TRDN: variants seen among roughly 807,000 people sequenced by gnomAD.
TRDN encodes triadin, also known as triadin in skeletal muscle.
TRDN carries 161 observed loss-of-function variants against 149.7 expected under a neutral mutation model. The observed-to-expected ratio is 1.08, with a 90% CI of 0.95 to 1.23. The LOEUF is 1.23. TRDN is among the 50% of genes most tolerant of loss of function. TRDN has a pLI of 0.00. For synonymous variants in TRDN, 294 were observed against 250.5 expected, an observed-to-expected ratio of 1.17 and a Z score of -1.64; for missense variants, 896 against 823.5, an observed-to-expected ratio of 1.09 and a Z score of -1.08.
chr6:123,595,739 T>C (rs1233555892), intron 1 of TRDN, among the ~76,000 whole-genome samples: 2 of 152,126 alleles, frequency 1.3e-5, no homozygotes, highest in Non-Finnish European at 2.9e-5. Flanking sequence ...CTGACGTTAC[T>C]GTTGTATTTG....
At chr6:123,576,792 G>C (rs1562400553) in intron 1 of TRDN, among the ~76,000 whole-genome samples, 2 of 152,010 alleles carry the variant, frequency 1.3e-5, no homozygotes, top group Admixed American at 6.6e-5. Flanking sequence ...TCCATTTCTA[G>C]TCCCACCACT....
chr6:123,496,393 T>C (rs1778448745), intron 9 of TRDN, among the ~76,000 whole-genome samples: 1 of 151,860 alleles, frequency 6.6e-6, no homozygotes, highest in South Asian at 2.1e-4. Flanking sequence ...TTCACAAAAA[T>C]AGTTAAGAAA....
chr6:123,627,677 A>T (rs1785750342), intron 1 of TRDN, among the ~76,000 whole-genome samples: 1 of 152,186 alleles, frequency 6.6e-6, no homozygotes, highest in African/African-American at 2.4e-5. Flanking sequence ...TAGCTCTGAA[A>T]GTCCTGGATG....
chr6:123,317,398 T>C (rs989403719), intron 23 of TRDN, among the ~76,000 whole-genome samples: 1 of 151,940 alleles, frequency 6.6e-6, no homozygotes, highest in Non-Finnish European at 1.5e-5. Flanking sequence ...CCAGCTTTAT[T>C]TGGGTTTTAG....
At chr6:123,272,840 G>A (rs965286209) in intron 29 of TRDN, 124 bp downstream of exon 29, 2 of 743,368 alleles carry the variant, frequency 2.7e-6, no homozygotes, top group Non-Finnish European at 2.1e-6. Flanking sequence ...AGATGGTCTA[G>A]AAGCTTATGA....
intron 1 of TRDN, among the ~76,000 whole-genome samples, chr6:123,630,626 A>G (rs1457422649): frequency 1.3e-5 from 2 of 152,130 alleles, no homozygotes; most frequent in East Asian, 3.9e-4. Context: ...ATTTAAGCTC[A>G]TAAACGGAAC....
At position 123,402,600 on chromosome 6, in the gene TRDN, T is replaced by C. The variant is rs980762052; in HGVS notation, c.1052-8923A>G. 1.8e-4 allele frequency among the ~76,000 whole-genome samples: 28 copies of C among 152,198 alleles called. 1 individual carries two copies. Among genetic ancestry groups the C allele is most frequent in the African/African-American group, 6.5e-4 (27 of 41,464 alleles). On this transcript the variant is annotated intron_variant, in intron 12 of 40. Coordinates refer to ENST00000334268, the MANE Select transcript of TRDN (RefSeq NM_006073.4). ...TAAGATAGACTTTTGTCTTAGTACA[T>C]TGAGCGCTACTGCATTTTTGGGCAG...
intron 7 of TRDN, among the ~76,000 whole-genome samples, chr6:123,508,729 G>A (rs1162562888): frequency 6.6e-6 from 1 of 152,112 alleles, no homozygotes; most frequent in Non-Finnish European, 1.5e-5. Context: ...TCTAACCAAT[G>A]GCTGCCTTTC....
intron 9 of TRDN, among the ~76,000 whole-genome samples, chr6:123,489,314 T>G (rs1562342578): frequency 6.6e-6 from 1 of 152,074 alleles, no homozygotes; most frequent in Admixed American, 6.5e-5. Context: ...AAACTGAGAT[T>G]CAAAAAAACA....
intron 23 of TRDN, among the ~76,000 whole-genome samples, chr6:123,330,854 G>A (rs968087592): frequency 3.3e-5 from 5 of 151,782 alleles, no homozygotes; most frequent in Non-Finnish European, 5.9e-5. Flanking sequence ...TTCCTCTCCC[G>A]CTGATCTCCA....
chr6:123,392,028 G>A (rs533902251), intron 13 of TRDN, among the ~76,000 whole-genome samples: 45 of 152,166 alleles, frequency 3.0e-4, no homozygotes, highest in African/African-American at 1.0e-3. Context: ...CTGCATTGGT[G>A]TGTCATTTTT....
chr6:123,633,763 C>T (rs113691270), intron 1 of TRDN, among the ~76,000 whole-genome samples: 2,719 of 152,092 alleles, frequency 0.018, 37 homozygotes, highest in Middle Eastern at 0.054. Flanking sequence ...CTTTCTTCCA[C>T]TGGATGAAGT....
At chr6:123,533,017 G>T (rs1450767922) in intron 4 of TRDN, among the ~76,000 whole-genome samples, 1 of 149,542 alleles carries the variant, frequency 6.7e-6, no homozygotes, top group East Asian at 1.9e-4. Flanking sequence ...AAGAAGATTG[G>T]TGATTTGTTT....
intron 23 of TRDN, among the ~76,000 whole-genome samples, chr6:123,327,401 C>G (rs959563094): frequency 6.6e-6 from 1 of 151,896 alleles, no homozygotes; most frequent in Non-Finnish European, 1.5e-5. Flanking sequence ...TCTAAAAATA[C>G]CGTTGATATT....
At chr6:123,465,022 A>G in intron 9 of TRDN, 39 bp from the exon 10 acceptor site, 1 of 1,540,234 alleles carries the variant, frequency 6.5e-7, no homozygotes, top group East Asian at 2.4e-5. Flanking sequence ...AAAAAAAAGT[A>G]TTAACAAATC....
At chr6:123,454,576 T>C (rs1183036160) in intron 10 of TRDN, among the ~76,000 whole-genome samples, 2 of 152,182 alleles carry the variant, frequency 1.3e-5, no homozygotes, top group Non-Finnish European at 2.9e-5. Context: ...TCACAGGTCA[T>C]ATGAGTCAGG....
intron 12 of TRDN, among the ~76,000 whole-genome samples, chr6:123,425,204 T>C (rs1461542733): frequency 6.7e-6 from 1 of 150,372 alleles, no homozygotes; most frequent in African/African-American, 2.4e-5. Context: ...AGGAAAATAC[T>C]GAGCATAGAG....
At position 123,260,618 on chromosome 6, in the gene TRDN, C is replaced by G. The variant is rs1270174916; in HGVS notation, c.1825G>C (p.Glu609Gln). 7.2e-7 allele frequency: 1 copy of G among 1,396,418 alleles called. No homozygotes were observed. The highest frequency in any genetic ancestry group is 9.4e-7 in the Non-Finnish European group (1 of 1,064,430). The allele number at this position is 1,396,418 out of a possible 1,614,324, so 86.5% of individuals were successfully genotyped here. A position where few individuals can be genotyped will look rare whatever the true frequency, so the allele number is the denominator to read the frequency against. ...PTPKGTSEVT[E>Q]SGKKKTEISE... Reference sequence around the variant, plus strand: ...TGAAAAAGTAAATATTTACCTGATTCTGTGACTTCTGATGTTCCTTCTTTA... The same window carrying G: ...TGAAAAAGTAAATATTTACCTGATTGTGTGACTTCTGATGTTCCTTCTTTA... The change falls in exon 34 of 41, where the codon GAA (glutamate) becomes CAA (glutamine). Residue 609 changes from glutamate to glutamine, a missense_variant. Physicochemically the swap from Glu to Gln is conservative, Grantham distance 29. Transcript: ENST00000334268.
chr6:123,392,523 C>T (rs561265937), intron 13 of TRDN, among the ~76,000 whole-genome samples: 124 of 152,104 alleles, frequency 8.2e-4, no homozygotes, highest in African/African-American at 2.7e-3. Context: ...CTCACCCTGA[C>T]CTGCATTTTC....
Sources: allele counts gnomAD v4.1 joint callset (sites outside exome capture counted in the v4.1 genomes callset), GRCh38; gene constraint gnomAD v4.1.1; transcripts MANE v1.5; gene names NCBI Gene and HGNC (gene_info 2026-07-23, HGNC 2026-07-21).